FCHSD2: variants seen among roughly 807,000 people sequenced by gnomAD.
The protein encoded by FCHSD2 is FCH and double SH3 domains 2.
Under a neutral mutation model 108.1 loss-of-function variants are expected in FCHSD2, and 38 were observed. That is an observed-to-expected ratio of 0.35 (90% CI 0.27 to 0.46). The LOEUF is 0.46. Ranked by LOEUF, FCHSD2 falls within the 20% of genes least tolerant of loss-of-function variation. FCHSD2 has a pLI of 1.00. For missense variants in FCHSD2, 751 were observed against 897.8 expected, an observed-to-expected ratio of 0.84 and a Z score of 2.09; for synonymous variants, 279 against 314.7, an observed-to-expected ratio of 0.89 and a Z score of 1.20.
Position 73,142,209 on chromosome 11 carries a change from C to T in FCHSD2, c.-332G>A. 1.2e-5 allele frequency: 2 copies of T among 170,092 alleles called. No homozygotes were observed. Among genetic ancestry groups the T allele is most frequent in the Non-Finnish European group, 2.5e-5 (2 of 80,430 alleles). 10.5% of individuals were successfully genotyped at this position (170,092 alleles called of 1,614,324 possible). A position where few individuals can be genotyped will look rare whatever the true frequency, so the allele number is the denominator to read the frequency against. ...GCGAGGGTCTCAGCCGGCCGGGCGGCGGGTTAGCCGCAGCCGCGTTGTCCG... is the reference window on the plus strand; with the variant it reads ...GCGAGGGTCTCAGCCGGCCGGGCGGTGGGTTAGCCGCAGCCGCGTTGTCCG... On this transcript the variant is annotated 5_prime_UTR_variant, in exon 1 of 20. Transcript: ENST00000409418.
intron 3 of FCHSD2, among the ~76,000 whole-genome samples, chr11:73,024,650 T>A (rs1858185419): frequency 6.6e-6 from 1 of 152,114 alleles, no homozygotes; most frequent in East Asian, 1.9e-4. Flanking sequence ...TGGGATCTAA[T>A]TAAACTGAAG....
chr11:72,922,526 G>A (rs1290318549), intron 8 of FCHSD2, among the ~76,000 whole-genome samples: 3 of 151,840 alleles, frequency 2.0e-5, no homozygotes, highest in Non-Finnish European at 2.9e-5. Context: ...TTTTGTAACA[G>A]GGATCTTTGA....
At chr11:73,012,632 A>G (rs1857886441) in intron 4 of FCHSD2, among the ~76,000 whole-genome samples, 3 of 152,124 alleles carry the variant, frequency 2.0e-5, no homozygotes. Context: ...TGATCTTTCT[A>G]TTGTCTTTTT....
At chr11:73,064,504 C>G (rs1235657017) in intron 3 of FCHSD2, among the ~76,000 whole-genome samples, 1 of 151,828 alleles carries the variant, frequency 6.6e-6, no homozygotes, top group Non-Finnish European at 1.5e-5. Flanking sequence ...AATCCAGGAG[C>G]AGTTTTTTTG....
intron 9 of FCHSD2, among the ~76,000 whole-genome samples, chr11:72,917,623 C>A (rs540007823): frequency 5.3e-5 from 8 of 152,158 alleles, no homozygotes; most frequent in African/African-American, 1.9e-4. Flanking sequence ...CAGTGGCTGA[C>A]GCCTGTAATC....
intron 2 of FCHSD2, among the ~76,000 whole-genome samples, chr11:73,110,383 T>C (rs1860454663): frequency 6.6e-6 from 1 of 152,286 alleles, no homozygotes; most frequent in Admixed American, 6.5e-5. Context: ...TATTGCTCTG[T>C]TCAGGTTTTG....
At chr11:72,838,968 TG>T in intron 19 of FCHSD2, 94 bp from the exon 20 acceptor site, 1 of 1,105,068 alleles carries the variant, frequency 9.0e-7, no homozygotes, top group Non-Finnish European at 1.3e-6. Context: ...TCCAAGGACA[TG>T]GGCACCCTAG....
At chr11:73,001,155 A>G (rs760169452) in intron 4 of FCHSD2, 21 bp from the exon 5 acceptor site, 11 of 1,610,482 alleles carry the variant, frequency 6.8e-6, no homozygotes, top group African/African-American at 1.3e-5. Flanking sequence ...AGAGGGATAG[A>G]AAAGCATTAG....
chr11:72,887,966 T>G (rs1460615999), intron 11 of FCHSD2, among the ~76,000 whole-genome samples: 2 of 152,180 alleles, frequency 1.3e-5, no homozygotes, highest in Non-Finnish European at 2.9e-5. Flanking sequence ...ACCTGTGAGA[T>G]AGTGAAAAGA....
intron 3 of FCHSD2, among the ~76,000 whole-genome samples, chr11:73,064,173 T>C (rs943612769): frequency 2.0e-5 from 3 of 152,086 alleles, no homozygotes; most frequent in Non-Finnish European, 4.4e-5. Flanking sequence ...GAACAACCTG[T>C]TCCTAAATGA....
intron 13 of FCHSD2, among the ~76,000 whole-genome samples, chr11:72,850,372 G>C (rs1350798622): frequency 6.6e-6 from 1 of 151,706 alleles, no homozygotes; most frequent in Non-Finnish European, 1.5e-5. Context: ...GCCTAGGACA[G>C]AGATTTTTTT....
chr11:73,138,904 G>A (rs1297661639), intron 2 of FCHSD2, among the ~76,000 whole-genome samples: 8 of 152,142 alleles, frequency 5.3e-5, no homozygotes, highest in Admixed American at 2.0e-4. Context: ...GACTGCGCAC[G>A]GCCTCGCATA....
At position 72,921,837 on chromosome 11, in the gene FCHSD2, G is replaced by C. The variant is rs1855980781; in HGVS notation, c.819C>G (p.Asn273Lys). 9 of 1,611,436 alleles carry C rather than the reference G, an allele frequency of 5.6e-6. No individual in the cohort carries two copies. The highest frequency in any genetic ancestry group is 7.6e-6 in the Non-Finnish European group (9 of 1,178,622). The change falls in exon 9 of 20, where the codon AAC (asparagine) becomes AAG (lysine). Residue 273 changes from asparagine (N) to lysine (K), a missense_variant. By Grantham distance (94) the Asn-to-Lys change is moderately conservative (BLOSUM62 0). Coordinates refer to ENST00000409418, the MANE Select transcript of FCHSD2 (RefSeq NM_014824.3). ...VQNTFQFLLE[N>K]SSKVVRDYNL... ...ACTAAAGGTAACTTACCTTGCTGGA[G>C]TTTTCTAATAAAAACTGGAATGTGT...
At chr11:72,883,341 A>C (rs1399422581) in intron 12 of FCHSD2, among the ~76,000 whole-genome samples, 1 of 152,226 alleles carries the variant, frequency 6.6e-6, no homozygotes, top group Non-Finnish European at 1.5e-5. Flanking sequence ...CAAAATTAAA[A>C]GTTTCCAATC....
chr11:72,960,581 C>T (rs1856802702), intron 8 of FCHSD2, among the ~76,000 whole-genome samples: 2 of 152,272 alleles, frequency 1.3e-5, no homozygotes, highest in Admixed American at 1.3e-4. Flanking sequence ...GTCCAGTGTT[C>T]CATGCAGCTG....
intron 17 of FCHSD2, among the ~76,000 whole-genome samples, chr11:72,841,979 T>A (rs562229425): frequency 6.6e-6 from 1 of 152,316 alleles, no homozygotes; most frequent in African/African-American, 2.4e-5. Context: ...TTCCCCAGGT[T>A]TTGTGCATGT....
chr11:72,988,344 C>T (rs997997042), intron 6 of FCHSD2, among the ~76,000 whole-genome samples: 9 of 152,136 alleles, frequency 5.9e-5, no homozygotes, highest in African/African-American at 2.2e-4. Context: ...CTTTATATCA[C>T]CTTCTATTAC....
At chr11:73,039,832 GACA>G (rs1267923746) in intron 3 of FCHSD2, among the ~76,000 whole-genome samples, 4 of 152,066 alleles carry the variant, frequency 2.6e-5, no homozygotes, top group African/African-American at 7.2e-5. Flanking sequence ...GCTAGAAAAA[GACA>G]ACAATTAATT....
At chr11:72,916,635 T>C (rs1008963409) in intron 9 of FCHSD2, among the ~76,000 whole-genome samples, 13 of 152,162 alleles carry the variant, frequency 8.5e-5, no homozygotes, top group African/African-American at 3.1e-4. Context: ...ACTTTTATAT[T>C]GGGTTGTCTC....
Sources: gnomAD v4.1 joint callset for allele counts (sites outside exome capture counted in the v4.1 genomes callset) on GRCh38, gnomAD v4.1.1 for gene constraint, MANE v1.5 for transcripts, NCBI Gene and HGNC (gene_info 2026-07-23, HGNC 2026-07-21) for gene names.